The following PDSS2 variants were observed in gnomAD, a reference collection of about 807,000 sequenced individuals.
The protein encoded by PDSS2 is decaprenyl diphosphate synthase subunit 2.
Under a neutral mutation model 44.5 loss-of-function variants are expected in PDSS2, and 31 were observed. The ratio of observed to expected loss-of-function variants is 0.70; its 90% CI spans 0.52 to 0.94. The LOEUF is 0.94. Among genes scored for constraint, PDSS2 ranks in the 40% least tolerant of loss-of-function variants. PDSS2 has a pLI of 0.00. For synonymous variants in PDSS2, 157 were observed against 180.3 expected, an observed-to-expected ratio of 0.87 and a Z score of 1.03; for missense variants, 452 against 482.2, an observed-to-expected ratio of 0.94 and a Z score of 0.59.
chr6:107,388,579 T>C (rs1238824876), intron 1 of PDSS2, among the ~76,000 whole-genome samples: 1 of 151,846 alleles, frequency 6.6e-6, no homozygotes, highest in Non-Finnish European at 1.5e-5. Flanking sequence ...CTCCTGGGAC[T>C]ACAGGAGTAG....
At chr6:107,169,097 G>T (rs1400736346) in intron 7 of PDSS2, among the ~76,000 whole-genome samples, 20 of 151,836 alleles carry the variant, frequency 1.3e-4, no homozygotes, top group Non-Finnish European at 2.9e-5. Flanking sequence ...CATTTTCCCT[G>T]TCACTTTCAG....
At chr6:107,175,424 A>G (rs1275514948) in intron 7 of PDSS2, among the ~76,000 whole-genome samples, 2 of 152,190 alleles carry the variant, frequency 1.3e-5, no homozygotes, top group Non-Finnish European at 1.5e-5. Flanking sequence ...CCAATATGCT[A>G]TAGTCCCTTT....
chr6:107,173,785 G>A (rs978602445), intron 7 of PDSS2, among the ~76,000 whole-genome samples: 1 of 151,876 alleles, frequency 6.6e-6, no homozygotes, highest in African/African-American at 2.4e-5. Flanking sequence ...AAATTTTAAC[G>A]GTATTGACAT....
chr6:107,207,982 T>TTTTTTTGC (rs1411350659), intron 6 of PDSS2, among the ~76,000 whole-genome samples: 1 of 96,504 alleles, frequency 1.0e-5, no homozygotes, highest in Admixed American at 1.2e-4. Flanking sequence ...TGACTTGTTT[T>TTTTTTTGC]TTTTTTTTTT....
intron 2 of PDSS2, among the ~76,000 whole-genome samples, chr6:107,316,572 T>C (rs940044997): frequency 5.9e-5 from 9 of 152,194 alleles, no homozygotes; most frequent in Non-Finnish European, 1.2e-4. Context: ...AGTAGCATCA[T>C]GACAGCATGA....
chr6:107,204,193 G>A (rs1052906256), intron 6 of PDSS2, among the ~76,000 whole-genome samples: 3 of 151,880 alleles, frequency 2.0e-5, no homozygotes, highest in African/African-American at 4.8e-5. Flanking sequence ...CGCCCCCCTC[G>A]GCTTCCCAAA....
chr6:107,161,368 T>TA (rs1447321424), intron 7 of PDSS2, among the ~76,000 whole-genome samples: 1 of 151,520 alleles, frequency 6.6e-6, no homozygotes, highest in East Asian at 2.0e-4. Context: ...TAGTCCCAGC[T>TA]ACTGTGGAGG....
chr6:107,207,978 G>GTTTTTTTTTTTTTTT (rs756043067), intron 6 of PDSS2, among the ~76,000 whole-genome samples: 2 of 67,562 alleles, frequency 3.0e-5, no homozygotes, highest in African/African-American at 5.5e-5. Flanking sequence ...TCTATGACTT[G>GTTTTTTTTTTTTTTT]TTTTTTTTTT....
intron 7 of PDSS2, among the ~76,000 whole-genome samples, chr6:107,175,298 C>T (rs948718463): frequency 1.3e-5 from 2 of 151,930 alleles, no homozygotes; most frequent in African/African-American, 2.4e-5. Flanking sequence ...AACAGCCCTA[C>T]GAGGTAGATG....
chr6:107,229,070 T>C (rs1032020878), intron 4 of PDSS2, among the ~76,000 whole-genome samples: 1 of 152,224 alleles, frequency 6.6e-6, no homozygotes, highest in African/African-American at 2.4e-5. Flanking sequence ...ACAGCACTCA[T>C]TGTTTTACTT....
chr6:107,182,925 C>A (rs1393722268), intron 7 of PDSS2, among the ~76,000 whole-genome samples: 2 of 152,016 alleles, frequency 1.3e-5, no homozygotes, highest in African/African-American at 2.4e-5. Flanking sequence ...AATTTTTGGA[C>A]AGGGGCTGGT....
intron 4 of PDSS2, among the ~76,000 whole-genome samples, chr6:107,235,833 A>G (rs1452227978): frequency 6.6e-6 from 1 of 152,218 alleles, no homozygotes; most frequent in Admixed American, 6.5e-5. Flanking sequence ...AGAAACACTG[A>G]GCATATTAAG....
intron 2 of PDSS2, among the ~76,000 whole-genome samples, chr6:107,290,045 G>A (rs1776292805): frequency 6.6e-6 from 1 of 152,160 alleles, no homozygotes; most frequent in Admixed American, 6.5e-5. Flanking sequence ...CGTGATTACA[G>A]GTGTGAGGCA....
intron 1 of PDSS2, among the ~76,000 whole-genome samples, chr6:107,400,884 T>C (rs1780086053): frequency 6.6e-6 from 1 of 152,164 alleles, no homozygotes; most frequent in African/African-American, 2.4e-5. Context: ...GTTATGGTAA[T>C]TGCAGAGGTT....
chr6:107,240,929 C>G (rs1774401687), intron 4 of PDSS2, among the ~76,000 whole-genome samples: 1 of 151,976 alleles, frequency 6.6e-6, no homozygotes, highest in South Asian at 2.1e-4. Context: ...GGATGAATTT[C>G]CTAAGCTATT....
At chr6:107,190,187 T>C (rs1265393039) in intron 7 of PDSS2, among the ~76,000 whole-genome samples, 1 of 152,168 alleles carries the variant, frequency 6.6e-6, no homozygotes, top group East Asian at 1.9e-4. Context: ...ACTACCACAG[T>C]AAAAATCCCA....
At chr6:107,406,303 G>A (rs996722610) in intron 1 of PDSS2, among the ~76,000 whole-genome samples, 3 of 152,024 alleles carry the variant, frequency 2.0e-5, no homozygotes, top group African/African-American at 7.2e-5. Context: ...TTTTTTAGAT[G>A]ATCAAAAAAG....
chr6:107,269,398 A>T (rs999599026), intron 3 of PDSS2, among the ~76,000 whole-genome samples: 1 of 148,826 alleles, frequency 6.7e-6, no homozygotes, highest in African/African-American at 2.5e-5. Context: ...AAGTAGGAGC[A>T]CCACCAAGAT....
chr6:107,284,136 TTCTC>T (rs1305378332), intron 2 of PDSS2, among the ~76,000 whole-genome samples: 3 of 152,062 alleles, frequency 2.0e-5, no homozygotes, highest in African/African-American at 7.2e-5. Context: ...GGAGCCTTCT[TTCTC>T]TCTCACTAGC....
Sources: allele counts gnomAD v4.1 joint callset (sites outside exome capture counted in the v4.1 genomes callset), GRCh38; gene constraint gnomAD v4.1.1; transcripts MANE v1.5; gene names NCBI Gene and HGNC (gene_info 2026-07-23, HGNC 2026-07-21).